CFAP96: variants seen among roughly 807,000 people sequenced by gnomAD.
The protein encoded by CFAP96 is cilia and flagella associated protein 96.
At chr4:185,433,323 G>A in the CFAP96 span, among the ~76,000 whole-genome samples, 11 of 149,634 alleles carry the variant, frequency 7.4e-5, no homozygotes, top group Non-Finnish European at 1.0e-4. Context: ...CTTTAACTCC[G>A]GAGCCTGAGG....
At chr4:185,445,622 G>A in the CFAP96 span, 1 of 933,030 alleles carries the variant, frequency 1.1e-6, no homozygotes, top group South Asian at 1.7e-5. Context: ...TATTATCAAG[G>A]TATCTTAAAA....
chr4:185,434,046 C>A, the CFAP96 span, among the ~76,000 whole-genome samples: 1 of 151,984 alleles, frequency 6.6e-6, no homozygotes, highest in Non-Finnish European at 1.5e-5. Flanking sequence ...TGACAAAAAC[C>A]CATCTCTACA....
chr4:185,412,968 C>T, the CFAP96 span, among the ~76,000 whole-genome samples: 9 of 152,078 alleles, frequency 5.9e-5, no homozygotes, highest in South Asian at 2.1e-4. Flanking sequence ...CCCTGGCAAC[C>T]GGGTATATGT....
At chr4:185,414,618 C>G in the CFAP96 span, among the ~76,000 whole-genome samples, 12 of 152,076 alleles carry the variant, frequency 7.9e-5, no homozygotes, top group Non-Finnish European at 1.0e-4. Context: ...TAAGCGAGTC[C>G]ACATATCAAA....
the CFAP96 span, chr4:185,408,569 GA>G: frequency 1.1e-6 from 1 of 917,262 alleles, no homozygotes; most frequent in Non-Finnish European, 1.6e-6. Context: ...TGCCTTCACA[GA>G]TCTATGGTTT....
At chr4:185,434,240 TAAAA>T in the CFAP96 span, among the ~76,000 whole-genome samples, 2 of 152,184 alleles carry the variant, frequency 1.3e-5, no homozygotes, top group Admixed American at 6.5e-5. Context: ...AACAAAAAAA[TAAAA>T]AAGAGTGAGG....
chr4:185,439,246 G>A, the CFAP96 span, among the ~76,000 whole-genome samples: 1 of 152,176 alleles, frequency 6.6e-6, no homozygotes, highest in Non-Finnish European at 1.5e-5. Context: ...TAAATTTTGT[G>A]GGAACACTGT....
chr4:185,419,314 T>G, the CFAP96 span, among the ~76,000 whole-genome samples: 1 of 152,158 alleles, frequency 6.6e-6, no homozygotes, highest in Non-Finnish European at 1.5e-5. Context: ...GTATTTTTAG[T>G]AGAGACGGGG....
At chr4:185,427,767 A>G in the CFAP96 span, among the ~76,000 whole-genome samples, 1 of 148,156 alleles carries the variant, frequency 6.7e-6, no homozygotes, top group African/African-American at 2.5e-5. Flanking sequence ...CTTAATAAGC[A>G]AAGAAATAAA....
chr4:185,417,652 T>C, the CFAP96 span, among the ~76,000 whole-genome samples: 2 of 152,232 alleles, frequency 1.3e-5, no homozygotes, highest in Non-Finnish European at 2.9e-5. Context: ...ATTAACTTCA[T>C]ACAACTTCGT....
At chr4:185,422,680 A>T in the CFAP96 span, 1 of 724,088 alleles carries the variant, frequency 1.4e-6, no homozygotes, top group Non-Finnish European at 2.2e-6. Flanking sequence ...TCTTCAAATT[A>T]TTTCATGAGT....
chr4:185,435,363 T>G, the CFAP96 span, among the ~76,000 whole-genome samples: 1 of 152,224 alleles, frequency 6.6e-6, no homozygotes, highest in Admixed American at 6.5e-5. Flanking sequence ...ATGTGTCTTG[T>G]AGACCTTTTT....
chr4:185,412,436 A>G, the CFAP96 span, among the ~76,000 whole-genome samples: 1 of 152,036 alleles, frequency 6.6e-6, no homozygotes, highest in African/African-American at 2.4e-5. Context: ...TCGTATATGC[A>G]TTTTTTTAAT....
the CFAP96 span, chr4:185,415,123 GT>G: frequency 6.6e-7 from 1 of 1,508,528 alleles, no homozygotes; most frequent in Non-Finnish European, 8.9e-7. Flanking sequence ...AGTCATTATT[GT>G]TTTTTCTAAG....
the CFAP96 span, among the ~76,000 whole-genome samples, chr4:185,424,559 G>T: frequency 6.6e-6 from 1 of 152,098 alleles, no homozygotes; most frequent in East Asian, 1.9e-4. Flanking sequence ...AGAAAGTTCA[G>T]GACAAATTTA....
At chr4:185,433,535 C>A in the CFAP96 span, among the ~76,000 whole-genome samples, 10 of 92,196 alleles carry the variant, frequency 1.1e-4, no homozygotes, top group South Asian at 4.2e-4. Flanking sequence ...ACTAGTAAAA[C>A]TACTTTGTAT....
At chr4:185,437,780 C>T in the CFAP96 span, among the ~76,000 whole-genome samples, 2 of 152,136 alleles carry the variant, frequency 1.3e-5, no homozygotes, top group Non-Finnish European at 2.9e-5. Context: ...ACAGAAAAAG[C>T]TCTTTTATCC....
At chr4:185,415,359 A>AC in the CFAP96 span, 1 of 1,558,588 alleles carries the variant, frequency 6.4e-7, no homozygotes, top group South Asian at 1.2e-5. Flanking sequence ...TGTGGGGGGA[A>AC]ATATATAAGT....
chr4:185,444,494 G>A, the CFAP96 span, among the ~76,000 whole-genome samples: 1 of 152,020 alleles, frequency 6.6e-6, no homozygotes, highest in African/African-American at 2.4e-5. Flanking sequence ...AAAGTAGATC[G>A]AATTTTCCTC....
Sources: gnomAD v4.1 joint callset for allele counts (sites outside exome capture counted in the v4.1 genomes callset) on GRCh38, gnomAD v4.1.1 for gene constraint, MANE v1.5 for transcripts, NCBI Gene and HGNC (gene_info 2026-07-23, HGNC 2026-07-21) for gene names.